PPP2R2C: variants seen among roughly 807,000 people sequenced by gnomAD.
PPP2R2C encodes the protein protein phosphatase 2 regulatory subunit Bgamma.
PPP2R2C carries 10 observed loss-of-function variants against 45.3 expected under a neutral mutation model. The ratio of observed to expected loss-of-function variants is 0.22; its 90% confidence interval spans 0.14 to 0.37. The LOEUF (loss-of-function observed/expected upper bound fraction) is 0.37. Ranked by LOEUF, PPP2R2C falls within the 10% of genes least tolerant of loss-of-function variation. The pLI is 1.00. For missense variants in PPP2R2C, 308 were observed against 619.7 expected (o/e 0.50, Z 5.34); for synonymous variants, 257 against 245.4 (o/e 1.05, Z -0.44).
In PPP2R2C at chr4:6,518,454, GC is replaced by G. The variant is rs1284729167; in HGVS notation, c.49+16816del. Among the ~76,000 whole-genome samples, 3 of 152,166 alleles carry G rather than the reference GC, an allele frequency of 2.0e-5. No homozygotes were observed. The East Asian group carries it at 5.8e-4, about 29-fold the overall frequency. ...GGACACAACTGTTAATACTAGAAAT[GC>G]AAGAGGATACATCACTACAGATGCC... On this transcript the variant is annotated intron_variant, in intron 2 of 9. Transcript: ENST00000506140.
At chr4:6,476,165 G>A (rs1560575408), upstream of PPP2R2C, among the ~76,000 whole-genome samples, 2 of 152,156 alleles carry the variant, frequency 1.3e-5, no homozygotes. Flanking sequence ...CAAGCCGACT[G>A]CACAAAAGTT....
chr4:6,511,725 G>A (rs1723538767), intron 2 of PPP2R2C, among the ~76,000 whole-genome samples: 1 of 71,760 alleles, frequency 1.4e-5, no homozygotes, highest in Admixed American at 1.3e-4. Context: ...TGGTGGTGAT[G>A]GTGGTGGAGG....
At chr4:6,343,938 T>C (rs1711570198) in intron 6 of PPP2R2C, among the ~76,000 whole-genome samples, 1 of 152,328 alleles carries the variant, frequency 6.6e-6, no homozygotes, top group African/African-American at 2.4e-5. Flanking sequence ...GCAAAAAGCA[T>C]ACATAAAACC....
chr4:6,509,849 G>A (rs533374930), intron 2 of PPP2R2C, among the ~76,000 whole-genome samples: 4 of 152,286 alleles, frequency 2.6e-5, no homozygotes, highest in Admixed American at 2.0e-4. Flanking sequence ...TCACAAGGCC[G>A]ACTCCACGCA....
At chr4:6,425,899 TGTGCATGCACAC>T (rs1441090679) in intron 1 of PPP2R2C, among the ~76,000 whole-genome samples, 1 of 151,946 alleles carries the variant, frequency 6.6e-6, no homozygotes, top group Non-Finnish European at 1.5e-5. Flanking sequence ...GGTGTATGTG[TGTGCATGCACAC>T]GTGCATGCAT....
intron 2 of PPP2R2C, among the ~76,000 whole-genome samples, chr4:6,494,103 T>A (rs745484010): frequency 6.6e-6 from 1 of 152,244 alleles, no homozygotes; most frequent in Non-Finnish European, 1.5e-5. Context: ...CTTGGCACTC[T>A]GGCCAACACC....
At chr4:6,451,876 G>A (rs1560557790) in intron 1 of PPP2R2C, among the ~76,000 whole-genome samples, 1 of 152,190 alleles carries the variant, frequency 6.6e-6, no homozygotes, top group Non-Finnish European at 1.5e-5. Context: ...GCAGATGGAG[G>A]GCTCCACGGA....
upstream of PPP2R2C, among the ~76,000 whole-genome samples, chr4:6,472,626 G>A (rs550198100): frequency 5.9e-3 from 868 of 147,076 alleles, 6 homozygotes; most frequent in Admixed American, 9.2e-3. Flanking sequence ...CGCGGGCTGG[G>A]GCCGCCGCCG....
chr4:6,450,249 C>T (rs1050107934), intron 1 of PPP2R2C, among the ~76,000 whole-genome samples: 11 of 152,136 alleles, frequency 7.2e-5, no homozygotes, highest in African/African-American at 2.2e-4. Context: ...GCACCAACTG[C>T]AGGTGGTGGT....
chr4:6,552,484 C>T (rs1725216132), intron 1 of PPP2R2C, among the ~76,000 whole-genome samples: 3 of 151,986 alleles, frequency 2.0e-5, no homozygotes, highest in Admixed American at 2.0e-4. Flanking sequence ...AATCTCTCTC[C>T]CTCTCTTCCT....
chr4:6,454,681 A>G (rs1334899656), intron 1 of PPP2R2C, among the ~76,000 whole-genome samples: 1 of 152,232 alleles, frequency 6.6e-6, no homozygotes. Context: ...AATGGTTCTC[A>G]TCACATCACT....
chr4:6,531,789 A>G (rs1252625619), intron 2 of PPP2R2C, among the ~76,000 whole-genome samples: 1 of 152,122 alleles, frequency 6.6e-6, no homozygotes, highest in East Asian at 1.9e-4. Flanking sequence ...AGTCCCCAGC[A>G]TTCTCCAAAG....
At chr4:6,358,696 G>C (rs917549528) in intron 5 of PPP2R2C, among the ~76,000 whole-genome samples, 1 of 152,122 alleles carries the variant, frequency 6.6e-6, no homozygotes, top group Admixed American at 6.5e-5. Context: ...GATATGAAGA[G>C]ATACTTTTCA....
At position 6,495,546 on chromosome 4, in the gene PPP2R2C, C is replaced by T. The variant is rs541597712; in HGVS notation, c.49+39725G>A. Among the ~76,000 whole-genome samples, 17 of 152,354 alleles carry T rather than the reference C, an allele frequency of 1.1e-4. No individual in the cohort carries two copies. The South Asian group carries it at 1.9e-3, about 17-fold the overall frequency. On this transcript the variant is annotated intron_variant, in intron 2 of 9. Transcript: ENST00000506140. ...CCTGGTGAGGGAACAGGCACGGGATCAGGTCTGGGTTCATCCCATGCTCTG... is the reference window on the plus strand; with the variant it reads ...CCTGGTGAGGGAACAGGCACGGGATTAGGTCTGGGTTCATCCCATGCTCTG...
At chr4:6,403,864 G>GA (rs11286848) in intron 1 of PPP2R2C, among the ~76,000 whole-genome samples, 1,491 of 135,866 alleles carry the variant, frequency 0.011, 30 homozygotes, top group African/African-American at 0.036. Context: ...CTCCGCCTCA[G>GA]AAAAAAAAAA....
intron 2 of PPP2R2C, among the ~76,000 whole-genome samples, chr4:6,511,568 TGGTGATGGCGG>T (rs1723501538): frequency 1.3e-5 from 1 of 76,344 alleles, no homozygotes; most frequent in Non-Finnish European, 2.7e-5. Context: ...GTGGTGGTGG[TGGTGATGGCGG>T]TGGTGGTGGT....
At chr4:6,458,284 A>T (rs1216431059) in intron 1 of PPP2R2C, among the ~76,000 whole-genome samples, 1 of 152,202 alleles carries the variant, frequency 6.6e-6, no homozygotes. Flanking sequence ...AAAATATCAT[A>T]GACCGGGTGG....
rs769298892 is a variant in PPP2R2C at position 6,378,368 on chromosome 4, G to A, written c.334+39C>T. 9.3e-6 allele frequency: 15 copies of A among 1,613,204 alleles called. No homozygotes were observed. Among genetic ancestry groups the A allele is most frequent in the Admixed American group, 1.7e-5 (1 of 59,906 alleles). Reference sequence around the variant, plus strand: ...ACCAGCATTTGGTAGAAACATCTACGGCCTGTGCCCATGCAAGCGAGGCCG... The same window carrying A: ...ACCAGCATTTGGTAGAAACATCTACAGCCTGTGCCCATGCAAGCGAGGCCG... On this transcript the variant is annotated intron_variant, in intron 3 of 8. Transcript: ENST00000382599. The surrounding 1 kb of genome is among the most constrained non-coding windows in gnomAD (Gnocchi z 5.2).
Position 6,329,032 on chromosome 4 carries a change from C to T in PPP2R2C, c.1052+230G>A, listed in dbSNP as rs375052012. Reference sequence around the variant, plus strand: ...CTACTGCCCATAGGGCAGGCGCCAACGTGGCTGTGAGGTTCAGTGACAGAA... The same window carrying T: ...CTACTGCCCATAGGGCAGGCGCCAATGTGGCTGTGAGGTTCAGTGACAGAA... On this transcript the variant is annotated intron_variant, in intron 8 of 8. Transcript: ENST00000382599. This position sits in a 1 kb window ranked among gnomAD's most constrained non-coding sequence, Gnocchi z 5.8. Among the ~76,000 whole-genome samples, 5 of 152,214 alleles carry T rather than the reference C, an allele frequency of 3.3e-5. No individual in the cohort carries two copies. Among genetic ancestry groups the T allele is most frequent in the Admixed American group, 6.5e-5 (1 of 15,286 alleles).
Sources: allele counts gnomAD v4.1 joint callset (sites outside exome capture counted in the v4.1 genomes callset), GRCh38; gene constraint gnomAD v4.1.1; non-coding constraint Gnocchi (gnomAD v3.1); transcripts MANE v1.5; gene names NCBI Gene and HGNC (gene_info 2026-07-23, HGNC 2026-07-21).